The following FGGY variants were observed in gnomAD, a reference collection of about 807,000 sequenced individuals.
FGGY encodes the protein FGGY carbohydrate kinase domain containing.
FGGY carries 72 observed loss-of-function variants against 71.3 expected under a neutral mutation model. That is an observed-to-expected ratio of 1.01 (90% CI 0.84 to 1.23). The LOEUF is 1.23. FGGY is among the 50% of genes most tolerant of loss of function. The probability of loss-of-function intolerance (pLI) is 0.00; values close to 1 mark genes in which losing one functional copy is unlikely to be tolerated. For missense variants in FGGY, 668 were observed against 682.3 expected (o/e 0.98, Z 0.23); for synonymous variants, 251 against 250.3 (o/e 1.00, Z -0.02).
chr1:59,430,052 T>G (rs556659079), intron 5 of FGGY, among the ~76,000 whole-genome samples: 5 of 152,298 alleles, frequency 3.3e-5, no homozygotes, highest in Admixed American at 3.3e-4. Flanking sequence ...CCTCACACTT[T>G]AAGAAGTAAT....
In FGGY at chr1:59,512,395, T is replaced by G; in HGVS notation, c.755T>G (p.Ile252Ser). Residue 252 changes from isoleucine to serine, a missense_variant, in exon 7 of 16, where the codon ATT (isoleucine) becomes AGT (serine). Transcript: ENST00000303721. The stretch of plus-strand genomic sequence containing the variant: ...AGAGACCTTGGCCTTCTCCCTGGGA[T>G]TGCGGTCGCAGCTTCACTCATTGAT... ...AARDLGLLPGIAVAASLIDAH... is the reference protein window; with the variant it reads ...AARDLGLLPGSAVAASLIDAH... The G allele has an allele frequency of 6.2e-7, 1 of 1,613,990 alleles. No individual in the cohort carries two copies. Among genetic ancestry groups the G allele is most frequent in the Non-Finnish European group, 8.5e-7 (1 of 1,179,908 alleles).
chr1:59,609,052 A>G (rs1283962278), intron 9 of FGGY, among the ~76,000 whole-genome samples: 2 of 152,204 alleles, frequency 1.3e-5, no homozygotes, highest in South Asian at 2.1e-4. Flanking sequence ...GGGAGAAGGC[A>G]TTGGTGCTGA....
At chr1:59,653,739 G>A (rs950792389) in intron 11 of FGGY, among the ~76,000 whole-genome samples, 4 of 152,240 alleles carry the variant, frequency 2.6e-5, no homozygotes, top group African/African-American at 9.6e-5. Context: ...GGGAGCTGTA[G>A]ACTGGAGCTG....
chr1:59,372,226 T>C (rs1351861825), intron 4 of FGGY, among the ~76,000 whole-genome samples: 1 of 152,042 alleles, frequency 6.6e-6, no homozygotes, highest in Non-Finnish European at 1.5e-5. Context: ...ATAAAGGGAA[T>C]ATCACCACCG....
chr1:59,747,375 A>T (rs1387407094), intron 14 of FGGY, among the ~76,000 whole-genome samples: 1 of 152,138 alleles, frequency 6.6e-6, no homozygotes, highest in Non-Finnish European at 1.5e-5. Context: ...CTAGTATAAA[A>T]CCACTCCCCT....
intron 9 of FGGY, among the ~76,000 whole-genome samples, chr1:59,619,069 G>A (rs1269337312): frequency 6.6e-6 from 1 of 152,010 alleles, no homozygotes; most frequent in Non-Finnish European, 1.5e-5. Context: ...TCCCTTTGTT[G>A]CATTGTAGGT....
In FGGY at chr1:59,758,010, A is replaced by C. The variant is rs1328070993; in HGVS notation, c.1574+18A>C. The C allele has an allele frequency of 7.0e-6, 11 of 1,582,540 alleles. No individual in the cohort carries two copies. Among genetic ancestry groups the C allele is most frequent in the Non-Finnish European group, 9.5e-6 (11 of 1,152,134 alleles). ...GATAAAAAGTAAGTGTGTATTTTTT[A>C]TATGTACAGTGCTAAGGAAGTGAGC... On this transcript the variant is annotated intron_variant, in intron 15 of 15. Coordinates refer to ENST00000303721, the MANE Select transcript of FGGY (RefSeq NM_018291.5).
At chr1:59,417,229 T>C (rs2064625933) in intron 5 of FGGY, among the ~76,000 whole-genome samples, 1 of 151,994 alleles carries the variant, frequency 6.6e-6, no homozygotes, top group African/African-American at 2.4e-5. Context: ...TTTTCAGGGT[T>C]CATCTATGTT....
At chr1:59,562,724 A>T (rs2095811789) in intron 8 of FGGY, among the ~76,000 whole-genome samples, 1 of 152,240 alleles carries the variant, frequency 6.6e-6, no homozygotes, top group African/African-American at 2.4e-5. Context: ...AAAGCAGATC[A>T]GTAGTTGCCT....
intron 7 of FGGY, among the ~76,000 whole-genome samples, chr1:59,551,625 G>A (rs1262161722): frequency 1.3e-5 from 2 of 152,100 alleles, no homozygotes; most frequent in Non-Finnish European, 2.9e-5. Context: ...AGAAAAACCT[G>A]TGAGTCTTGG....
intron 10 of FGGY, among the ~76,000 whole-genome samples, chr1:59,633,041 C>T (rs189257790): frequency 1.4e-5 from 2 of 143,496 alleles, no homozygotes; most frequent in East Asian, 2.1e-4. Flanking sequence ...GACGGAGTCT[C>T]GCACTTTCAC....
chr1:59,536,206 T>G (rs373386684), intron 7 of FGGY, among the ~76,000 whole-genome samples: 1 of 151,878 alleles, frequency 6.6e-6, no homozygotes, highest in African/African-American at 2.4e-5. Flanking sequence ...AACACCTCTC[T>G]GCAAATAAAC....
chr1:59,332,614 T>TC (rs1430886646), intron 2 of FGGY, among the ~76,000 whole-genome samples: 1 of 152,208 alleles, frequency 6.6e-6, no homozygotes, highest in Non-Finnish European at 1.5e-5. Context: ...CAGTTACTCT[T>TC]CCAGTTTCTT....
intron 5 of FGGY, among the ~76,000 whole-genome samples, chr1:59,396,164 G>A (rs2061300530): frequency 6.6e-6 from 1 of 152,140 alleles, no homozygotes. Context: ...TCTGATGGAT[G>A]CTAAAGTTTG....
At chr1:59,363,114 T>C (rs1047236271) in intron 4 of FGGY, among the ~76,000 whole-genome samples, 3 of 152,010 alleles carry the variant, frequency 2.0e-5, no homozygotes, top group Admixed American at 6.6e-5. Flanking sequence ...TTACTAGGAG[T>C]GTACAAGAAT....
Position 59,457,024 on chromosome 1 carries a change from C to A in FGGY, c.618C>A (p.Phe206Leu). Residue 206 changes from phenylalanine (F) to leucine (L), a missense_variant, in exon 6 of 16, where the codon TTC becomes TTA. Coordinates refer to ENST00000303721, the MANE Select transcript of FGGY (RefSeq NM_018291.5). ...CAGAGAAAGGCTGGGACGACAGTTT[C>A]TGGAAAATGATTGGTTTGGAAGACT... ...YSAEKGWDDS[F>L]WKMIGLEDFV... The A allele has an allele frequency of 1.2e-6, 2 of 1,614,074 alleles. No individual in the cohort carries two copies. The highest frequency in any genetic ancestry group is 1.7e-6 in the Non-Finnish European group (2 of 1,179,996).
intron 6 of FGGY, among the ~76,000 whole-genome samples, chr1:59,487,911 C>T (rs1265657363): frequency 6.6e-6 from 1 of 151,838 alleles, no homozygotes; most frequent in Non-Finnish European, 1.5e-5. Context: ...TCTTCAAAAG[C>T]ATCTAAAAGT....
At chr1:59,344,343 A>G (rs1337342218) in intron 3 of FGGY, among the ~76,000 whole-genome samples, 2 of 151,652 alleles carry the variant, frequency 1.3e-5, no homozygotes, top group African/African-American at 4.8e-5. Flanking sequence ...ATTCTTTTCA[A>G]AGATGTGGAA....
chr1:59,730,380 C>T (rs1311650520), intron 14 of FGGY, among the ~76,000 whole-genome samples: 1 of 150,820 alleles, frequency 6.6e-6, no homozygotes, highest in Non-Finnish European at 1.5e-5. Flanking sequence ...GCTATAACCA[C>T]AAGTCTCTAC....
Sources: allele counts gnomAD v4.1 joint callset (sites outside exome capture counted in the v4.1 genomes callset), GRCh38; gene constraint gnomAD v4.1.1; transcripts MANE v1.5; gene names NCBI Gene and HGNC (gene_info 2026-07-23, HGNC 2026-07-21).